Variants in JAM2 observed in about 807,000 individuals in gnomAD.
JAM2 encodes the protein junctional adhesion molecule B.
A neutral mutation model predicts 42.0 loss-of-function variants in JAM2; 17 were observed. The observed-to-expected ratio is 0.40, with a 90% confidence interval of 0.28 to 0.61. The LOEUF is 0.61. Among genes scored for constraint, JAM2 ranks in the 20% least tolerant of loss-of-function variants. The pLI, the probability that JAM2 is intolerant of heterozygous loss-of-function variation, is 0.37. For missense variants in JAM2, 319 were observed against 358.3 expected (o/e 0.89, Z 0.89); for synonymous variants, 118 against 128.6 (o/e 0.92, Z 0.56).
At chr21:25,673,839 C>T (rs763480938) in intron 1 of JAM2, among the ~76,000 whole-genome samples, 6 of 152,222 alleles carry the variant, frequency 3.9e-5, no homozygotes, top group Admixed American at 6.5e-5. Flanking sequence ...TGAATTGTAG[C>T]TCCTGTAATT....
chr21:25,708,763 G>GT (rs941607016), intron 7 of JAM2, among the ~76,000 whole-genome samples: 20 of 152,124 alleles, frequency 1.3e-4, no homozygotes, highest in African/African-American at 4.6e-4. Flanking sequence ...ACTGGTCTGA[G>GT]TTTTTTTAAT....
At chr21:25,651,361 A>T (rs2829843) in intron 1 of JAM2, among the ~76,000 whole-genome samples, 50,906 of 152,062 alleles carry the variant, frequency 0.33, 10,229 homozygotes, top group East Asian at 0.65. Context: ...TCTCAGTATA[A>T]CTTAAAATGC....
At chr21:25,697,889 T>C (rs1387180491) in intron 4 of JAM2, among the ~76,000 whole-genome samples, 1 of 150,798 alleles carries the variant, frequency 6.6e-6, no homozygotes, top group Non-Finnish European at 1.5e-5. Context: ...GCCTGGGTTA[T>C]AGAGTGAGAT....
intron 1 of JAM2, among the ~76,000 whole-genome samples, chr21:25,677,898 T>C (rs1327432833): frequency 6.6e-6 from 1 of 152,220 alleles, no homozygotes; most frequent in Non-Finnish European, 1.5e-5. Flanking sequence ...TTTGAAAGTT[T>C]CACAGAACAA....
chr21:25,646,121 C>T (rs2032602873), intron 1 of JAM2, among the ~76,000 whole-genome samples: 2 of 152,052 alleles, frequency 1.3e-5, no homozygotes, highest in South Asian at 4.1e-4. Flanking sequence ...GCAGTACGGG[C>T]GTTATAGCAT....
chr21:25,696,353 C>T (rs1008695217), intron 4 of JAM2, among the ~76,000 whole-genome samples: 3 of 152,030 alleles, frequency 2.0e-5, no homozygotes, highest in Non-Finnish European at 2.9e-5. Context: ...GTCCAGCTTC[C>T]GCTCGGCATC....
At chr21:25,701,504 C>A (rs1267004326) in intron 5 of JAM2, among the ~76,000 whole-genome samples, 1 of 143,628 alleles carries the variant, frequency 7.0e-6, no homozygotes, top group East Asian at 2.4e-4. Context: ...TTCCAAATAT[C>A]CTCCAAGGGG....
chr21:25,669,295 C>T (rs761511475), intron 1 of JAM2, among the ~76,000 whole-genome samples: 5 of 151,272 alleles, frequency 3.3e-5, no homozygotes, highest in African/African-American at 7.3e-5. Flanking sequence ...CACCTGAGCC[C>T]GGGGAGGTTG....
chr21:25,700,930 T>C (rs971115370), intron 5 of JAM2, among the ~76,000 whole-genome samples: 1 of 152,202 alleles, frequency 6.6e-6, no homozygotes, highest in Non-Finnish European at 1.5e-5. Context: ...CAAATTTATT[T>C]TTTCTCAGGG....
chr21:25,654,563 G>T (rs918568527), intron 1 of JAM2, among the ~76,000 whole-genome samples: 7 of 149,754 alleles, frequency 4.7e-5, no homozygotes, highest in Non-Finnish European at 8.9e-5. Context: ...CACAAGAATC[G>T]CTTGAACCTG....
intron 7 of JAM2, 63 bp downstream of exon 7, chr21:25,706,149 A>C: frequency 9.9e-7 from 1 of 1,011,428 alleles, no homozygotes; most frequent in Non-Finnish European, 1.6e-6. Flanking sequence ...TATTTATGAG[A>C]TACTGTTTCT....
At position 25,716,060 on chromosome 21, in the gene JAM2, C is replaced by T. The variant is rs2034475390; in HGVS notation, c.*1388C>T. On this transcript the variant is annotated 3_prime_UTR_variant, in exon 10 of 10. Transcript: ENST00000480456. ...GGAGTACAGTGGCACAATCTTGGCT[C>T]ACTGCAACCTCCGCCTCCCCTCCGC... 6.9e-6 allele frequency: 1 copy of T among 145,470 alleles called. No individual in the cohort carries two copies. The highest frequency in any genetic ancestry group is 2.5e-5 in the African/African-American group (1 of 39,636). 9.0% of individuals were successfully genotyped at this position (145,470 alleles called of 1,614,324 possible).
chr21:25,641,047 A>T (rs1426014417), intron 1 of JAM2, among the ~76,000 whole-genome samples: 1 of 152,192 alleles, frequency 6.6e-6, no homozygotes, highest in Non-Finnish European at 1.5e-5. Flanking sequence ...TGTCTCAGGC[A>T]AGGGACATGT....
At chr21:25,703,413 A>C (rs986158203) in intron 6 of JAM2, among the ~76,000 whole-genome samples, 3 of 152,234 alleles carry the variant, frequency 2.0e-5, no homozygotes, top group Non-Finnish European at 4.4e-5. Context: ...CTCTAAGTAC[A>C]AGTTAGCTTA....
In JAM2 at chr21:25,706,236, T is replaced by A. The variant is rs2034269032; in HGVS notation, c.805+150T>A. 6.8e-6 allele frequency: 4 copies of A among 592,402 alleles called. No individual in the cohort carries two copies. In the South Asian group the frequency reaches 7.6e-5, roughly 11 times the overall value. The allele number at this position is 592,402 out of a possible 1,614,324, so 36.7% of individuals were successfully genotyped here. ...CTCTGTTGCCCAGGCTGGAGTGCAGTGGTGGCAAAATCTCCACTCAATACA... is the reference window on the plus strand; with the variant it reads ...CTCTGTTGCCCAGGCTGGAGTGCAGAGGTGGCAAAATCTCCACTCAATACA... On this transcript the variant is annotated intron_variant, in intron 7 of 9. Transcript: ENST00000480456.
intron 1 of JAM2, among the ~76,000 whole-genome samples, chr21:25,655,350 A>ATTTTTTTTTTTTTTTT (rs751257378): frequency 1.0e-5 from 1 of 100,238 alleles, no homozygotes; most frequent in Non-Finnish European, 2.0e-5. Context: ...CTGAAATTCT[A>ATTTTTTTTTTTTTTTT]TTTTTTTTTT....
In JAM2 at chr21:25,674,214, T is replaced by C. The variant is rs140055195; in HGVS notation, c.68-9669T>C. ...TTCGAGACCAGCCTGGCCAACATCA[T>C]GAAACCCCATCTCTACTAAAAAATA... On this transcript the variant is annotated intron_variant, in intron 1 of 9. Transcript: ENST00000480456. Among the ~76,000 whole-genome samples the C allele has an allele frequency of 8.7e-3, 1,329 of 152,140 alleles. 45 individuals are homozygous for C. The highest frequency in any genetic ancestry group is 0.081 in the East Asian group (418 of 5,146).
chr21:25,670,005 C>A (rs758465343), intron 1 of JAM2, among the ~76,000 whole-genome samples: 3 of 152,156 alleles, frequency 2.0e-5, no homozygotes, highest in Non-Finnish European at 4.4e-5. Flanking sequence ...TGTGCTAAGG[C>A]TGACTCTAAA....
At chr21:25,705,599 T>C (rs1261046600) in intron 6 of JAM2, among the ~76,000 whole-genome samples, 1 of 152,168 alleles carries the variant, frequency 6.6e-6, no homozygotes, top group Non-Finnish European at 1.5e-5. Flanking sequence ...GTTGATGATG[T>C]AGGAGAATTT....
Sources: allele counts gnomAD v4.1 joint callset (sites outside exome capture counted in the v4.1 genomes callset), GRCh38; gene constraint gnomAD v4.1.1; transcripts MANE v1.5; gene names NCBI Gene and HGNC (gene_info 2026-07-23, HGNC 2026-07-21).